Variants in YTHDC2 observed in about 807,000 individuals in gnomAD.
YTHDC2 encodes the protein 3'-5' RNA helicase YTHDC2.
Under a neutral mutation model 174.9 loss-of-function variants are expected in YTHDC2, and 45 were observed. The observed-to-expected ratio is 0.26, with a 90% CI of 0.20 to 0.33. The LOEUF is 0.33. Among genes scored for constraint, YTHDC2 ranks in the 10% least tolerant of loss-of-function variants. The pLI, the probability that YTHDC2 is intolerant of heterozygous loss-of-function variation, is 1.00. For missense variants in YTHDC2, 1,650 were observed against 1,723.7 expected, an observed-to-expected ratio of 0.96 and a Z score of 0.76; for synonymous variants, 657 against 574.5, an observed-to-expected ratio of 1.14 and a Z score of -2.05.
At position 113,535,795 on chromosome 5, in the gene YTHDC2, T is replaced by C. The variant is rs774307465; in HGVS notation, c.1099T>C (p.Tyr367His). ...IRYFGSCPVI[Y>H]IQGRPFEVKE... ...ATATTTTGGAAGTTGTCCAGTGATATATAGTAAGTTAAATTGTCAGATTTC... is the reference window on the plus strand; with the variant it reads ...ATATTTTGGAAGTTGTCCAGTGATACATAGTAAGTTAAATTGTCAGATTTC... Residue 367 changes from tyrosine (Y) to histidine (H), a missense_variant, in exon 7 of 30, where the codon TAT (tyrosine) becomes CAT (histidine). By Grantham distance (83) the Tyr-to-His change is moderately conservative. Around this residue, in one of 5 missense-constraint regions of YTHDC2, gnomAD observed 411 missense variants for 380.6 expected, o/e 1.08. Transcript: ENST00000161863. 7.6e-6 allele frequency: 12 copies of C among 1,579,640 alleles called. No homozygotes were observed. Among genetic ancestry groups the C allele is most frequent in the East Asian group, 4.6e-5 (2 of 43,908 alleles).
intron 23 of YTHDC2, among the ~76,000 whole-genome samples, chr5:113,578,922 A>G (rs1387226988): frequency 6.6e-6 from 1 of 152,120 alleles, no homozygotes; most frequent in Non-Finnish European, 1.5e-5. Flanking sequence ...ATTTATACAT[A>G]CTGTATGTTT....
In YTHDC2 at chr5:113,553,791, A is replaced by T; in HGVS notation, c.1989A>T (p.Ser663=). ...GATACCAAGTCTTTATGCTTCATTC[A>T]AATATGCAAACATCCGATCAAAAGA... ...THRYQVFMLH[S]NMQTSDQKKV... Residue 663 remains serine, a synonymous_variant, in exon 15 of 30, where the codon TCA becomes TCT. Coordinates refer to ENST00000161863, the MANE Select transcript of YTHDC2 (RefSeq NM_022828.5). 6.2e-7 allele frequency: 1 copy of T among 1,612,660 alleles called. No individual in the cohort carries two copies. Among genetic ancestry groups the T allele is most frequent in the Non-Finnish European group, 8.5e-7 (1 of 1,179,414 alleles).
intron 3 of YTHDC2, among the ~76,000 whole-genome samples, chr5:113,525,911 C>T (rs1027615706): frequency 2.0e-5 from 3 of 151,994 alleles, no homozygotes; most frequent in Non-Finnish European, 4.4e-5. Context: ...TAAATATAGG[C>T]ACACAAACAT....
chr5:113,553,642 T>A lies in YTHDC2; in HGVS notation c.1920T>A (p.Asp640Glu), dbSNP rs1023751700. ...PGYDEIVGLR[D>E]RILFDDKRFA... ...ATGACGAAATTGTTGGACTGAGAGA[T>A]CGCATCCTGTTTGATGACAAGCGGT... Residue 640 changes from aspartate to glutamate, a missense_variant, in exon 14 of 30, where the codon GAT (aspartate) becomes GAA (glutamate). Physicochemically the swap from Asp to Glu is conservative, Grantham distance 45. Transcript: ENST00000161863. 1 of 1,613,442 alleles carries A rather than the reference T, an allele frequency of 6.2e-7. No homozygotes were observed. The highest frequency in any genetic ancestry group is 8.5e-7 in the Non-Finnish European group (1 of 1,179,604).
chr5:113,594,326 GAAACAAGTTCAAAATTT>G lies in YTHDC2; in HGVS notation c.*864_*880del, dbSNP rs1003461884. On this transcript the variant is annotated 3_prime_UTR_variant, in exon 30 of 30. Transcript: ENST00000161863. ...TTTTTGTTTTGGCTACAACTTGATT[GAAACAAGTTCAAAATTT>G]AAACAAGTTCATACAAGTTTTTAAA... The G allele has an allele frequency of 2.0e-5, 3 of 151,888 alleles. No homozygotes were observed. The highest frequency in any genetic ancestry group is 4.4e-5 in the Non-Finnish European group (3 of 67,996). 9.4% of individuals were successfully genotyped at this position (151,888 alleles called of 1,614,324 possible).
chr5:113,552,387 C>G (rs906500569), intron 12 of YTHDC2, among the ~76,000 whole-genome samples: 13 of 152,110 alleles, frequency 8.5e-5, no homozygotes, highest in African/African-American at 3.1e-4. Flanking sequence ...CACTAATCTA[C>G]TTCCAGTTTC....
chr5:113,542,443 C>A lies in YTHDC2; in HGVS notation c.1435C>A (p.His479Asn), dbSNP rs750415472. 6.2e-7 allele frequency: 1 copy of A among 1,612,834 alleles called. No individual in the cohort carries two copies. The highest frequency in any genetic ancestry group is 1.7e-4 in the Middle Eastern group (1 of 6,052). Residue 479 changes from histidine (H) to asparagine (N), a missense_variant, in exon 10 of 30, where the codon CAT becomes AAT. Physicochemically the swap from His to Asn is moderately conservative, Grantham distance 68. Coordinates refer to ENST00000161863, the MANE Select transcript of YTHDC2 (RefSeq NM_022828.5). ...MDACLSDIWL[H>N]KDIDAFAQVF... is the part of the protein sequence containing the mutation. The stretch of plus-strand genomic sequence containing the variant: ...TGCTTGCCTTTCTGATATATGGCTA[C>A]ATAAAGATATTGATGCCTTTGCTCA...
chr5:113,526,386 TTA>T (rs1774239764), intron 3 of YTHDC2, among the ~76,000 whole-genome samples, 198 bp from the exon 4 acceptor site: 1 of 152,134 alleles, frequency 6.6e-6, no homozygotes, highest in African/African-American at 2.4e-5. Context: ...AATGAGAATA[TTA>T]TGTGTAAGAG....
At chr5:113,514,346 C>A (rs1483510349) in intron 1 of YTHDC2, 1 of 666,030 alleles carries the variant, frequency 1.5e-6, no homozygotes, top group African/African-American at 1.8e-5. Flanking sequence ...CCGCGTCTTT[C>A]AGCAGCCTTG....
chr5:113,566,554 C>T (rs1777344632), intron 21 of YTHDC2, among the ~76,000 whole-genome samples: 1 of 150,386 alleles, frequency 6.6e-6, no homozygotes, highest in South Asian at 2.1e-4. Context: ...AGAATAGTAC[C>T]AGAGCCTGGA....
chr5:113,571,595 T>A (rs139780114), intron 23 of YTHDC2, among the ~76,000 whole-genome samples: 1 of 152,302 alleles, frequency 6.6e-6, no homozygotes, highest in East Asian at 1.9e-4. Flanking sequence ...CAGCTGTAAA[T>A]CCATCTGGTT....
chr5:113,558,921 C>CAAA (rs60017425), intron 17 of YTHDC2, among the ~76,000 whole-genome samples: 3 of 121,288 alleles, frequency 2.5e-5, no homozygotes, highest in African/African-American at 3.0e-5. Context: ...GACTCCGTCT[C>CAAA]AAAAAAAAAA....
chr5:113,542,355 C>A lies in YTHDC2; in HGVS notation c.1360-13C>A. ...AATTTATGATAATTTATGATTTTTA[C>A]TGTTTTTTGTAGACTGAAAAAGATG... On this transcript the variant is annotated splice_polypyrimidine_tract_variant and intron_variant, in intron 9 of 29. Coordinates refer to ENST00000161863, the MANE Select transcript of YTHDC2 (RefSeq NM_022828.5). 1 of 1,600,956 alleles carries A rather than the reference C, an allele frequency of 6.2e-7. No homozygotes were observed. Among genetic ancestry groups the A allele is most frequent in the Non-Finnish European group, 8.5e-7 (1 of 1,176,482 alleles).
At chr5:113,518,545 AAGTT>A (rs1210475255) in intron 2 of YTHDC2, among the ~76,000 whole-genome samples, 1 of 145,614 alleles carries the variant, frequency 6.9e-6, no homozygotes, top group Admixed American at 7.0e-5. Flanking sequence ...TTGATTCAGT[AAGTT>A]AGTTTTCGTG....
intron 26 of YTHDC2, among the ~76,000 whole-genome samples, chr5:113,584,763 C>G (rs1778583810): frequency 1.5e-5 from 2 of 134,418 alleles, no homozygotes; most frequent in African/African-American, 5.7e-5. Context: ...TTTCCTATTT[C>G]TTTCGAATCC....
At chr5:113,560,331 TC>T (rs1377978070) in intron 17 of YTHDC2, among the ~76,000 whole-genome samples, 6 of 152,244 alleles carry the variant, frequency 3.9e-5, no homozygotes, top group Non-Finnish European at 1.5e-5. Context: ...TACAAAAGTG[TC>T]TTGAACTTAA....
intron 23 of YTHDC2, among the ~76,000 whole-genome samples, chr5:113,575,332 T>C (rs1390361870): frequency 6.7e-6 from 1 of 150,218 alleles, no homozygotes; most frequent in Non-Finnish European, 1.5e-5. Flanking sequence ...GGTATAACAG[T>C]GTGTGTCTGT....
chr5:113,567,640 T>G lies in YTHDC2; in HGVS notation c.3049-14T>G, dbSNP rs781138056. The G allele has an allele frequency of 3.0e-5, 47 of 1,566,382 alleles. No individual in the cohort carries two copies. In the Admixed American group the frequency reaches 5.0e-4, roughly 17 times the overall value. On this transcript the variant is annotated splice_polypyrimidine_tract_variant and intron_variant, in intron 22 of 29. Transcript: ENST00000161863. ...AACACAATTAACAATTTTTAAAATT[T>G]ATTTTCTTAATAGATTCCTCCAGCC...
At chr5:113,529,957 A>C (rs1774540409) in intron 4 of YTHDC2, among the ~76,000 whole-genome samples, 1 of 152,066 alleles carries the variant, frequency 6.6e-6, no homozygotes, top group Admixed American at 6.6e-5. Context: ...GTGGGGTATC[A>C]CTATGTTTCC....
Sources: gnomAD v4.1 joint callset for allele counts (sites outside exome capture counted in the v4.1 genomes callset) on GRCh38, gnomAD v4.1.1 for gene constraint, gnomAD v4.1.1 regional missense constraint, MANE v1.5 for transcripts, NCBI Gene and HGNC (gene_info 2026-07-23, HGNC 2026-07-21) for gene names.